The following ADCY5 variants were observed in gnomAD, a reference collection of about 807,000 sequenced individuals.
ADCY5 encodes the protein adenylate cyclase 5.
Under a neutral mutation model 119.7 loss-of-function variants are expected in ADCY5, and 30 were observed. The ratio of observed to expected loss-of-function variants is 0.25; its 90% CI spans 0.19 to 0.34. The LOEUF is 0.34. Ranked by LOEUF, ADCY5 falls within the 10% of genes least tolerant of loss-of-function variation. ADCY5 has a pLI of 1.00. For synonymous variants in ADCY5, 753 were observed against 762.2 expected (o/e 0.99, Z 0.20); for missense variants, 1,324 against 1,775.2 (o/e 0.75, Z 4.57).
intron 20 of ADCY5, among the ~76,000 whole-genome samples, chr3:123,284,997 G>C (rs1938639613): frequency 1.3e-5 from 2 of 152,198 alleles, no homozygotes. Context: ...TGCGTGTGCT[G>C]TTTCAGTGTG....
intron 10 of ADCY5, 27 bp from the exon 11 acceptor site, chr3:123,318,144 G>A (rs1553724638): frequency 2.5e-6 from 4 of 1,588,070 alleles, no homozygotes; most frequent in African/African-American, 1.3e-5. Flanking sequence ...AGGGTGAGAG[G>A]GGCCAAGGTA....
intron 1 of ADCY5, chr3:123,368,069 T>C: frequency 6.9e-7 from 1 of 1,443,032 alleles, no homozygotes; most frequent in Non-Finnish European, 9.1e-7. Flanking sequence ...GGCAGGAAGA[T>C]TCAGTGAGAG....
At chr3:123,351,112 T>G (rs1395901912) in intron 2 of ADCY5, among the ~76,000 whole-genome samples, 1 of 151,184 alleles carries the variant, frequency 6.6e-6, no homozygotes, top group Non-Finnish European at 1.5e-5. Flanking sequence ...TGGGGACTGG[T>G]CAGCTTAAGT....
At chr3:123,399,831 G>T (rs1448861485) in intron 1 of ADCY5, among the ~76,000 whole-genome samples, 1 of 152,178 alleles carries the variant, frequency 6.6e-6, no homozygotes, top group African/African-American at 2.4e-5. Context: ...GTATGGGTGT[G>T]CTTTTTGCAT....
At chr3:123,298,136 A>G (rs1411391461) in intron 15 of ADCY5, among the ~76,000 whole-genome samples, 2 of 152,080 alleles carry the variant, frequency 1.3e-5, no homozygotes, top group Admixed American at 6.5e-5. Flanking sequence ...AGTAGCTGGG[A>G]TTACAGGTGC....
Position 123,449,000 on chromosome 3 carries a change from C to A in ADCY5, c.-455G>T, listed in dbSNP as rs148632775. The stretch of plus-strand genomic sequence containing the variant: ...CGCCTAAGCGGAGCCCAGCTGCTCT[C>A]GGGGCTCGGCGGCGGCGAGGGCGGC... On this transcript the variant is annotated 5_prime_UTR_variant, in exon 1 of 21. Transcript: ENST00000462833. 1 of 157,416 alleles carries A rather than the reference C, an allele frequency of 6.4e-6. No individual in the cohort carries two copies. Among genetic ancestry groups the A allele is most frequent in the South Asian group, 1.9e-4 (1 of 5,272 alleles). The allele number at this position is 157,416 out of a possible 1,614,324, so 9.8% of individuals were successfully genotyped here.
At chr3:123,396,804 A>G (rs1944598637) in intron 1 of ADCY5, among the ~76,000 whole-genome samples, 1 of 80,444 alleles carries the variant, frequency 1.2e-5, no homozygotes, top group Non-Finnish European at 2.6e-5. Flanking sequence ...GCAGGCAGGC[A>G]GGCAGGCAGG....
chr3:123,347,213 T>A (rs1032691386), intron 3 of ADCY5, among the ~76,000 whole-genome samples: 5 of 152,250 alleles, frequency 3.3e-5, no homozygotes, highest in Non-Finnish European at 5.9e-5. Context: ...ATGTGTTTTT[T>A]TCTTTAAACT....
intron 1 of ADCY5, among the ~76,000 whole-genome samples, chr3:123,362,270 C>T (rs753963098): frequency 1.3e-5 from 2 of 152,186 alleles, no homozygotes; most frequent in African/African-American, 4.8e-5. Flanking sequence ...CTTACATCCC[C>T]GCCAACATTG....
At chr3:123,350,974 C>T (rs1401179694) in intron 2 of ADCY5, among the ~76,000 whole-genome samples, 3 of 151,868 alleles carry the variant, frequency 2.0e-5, no homozygotes, top group Non-Finnish European at 4.4e-5. Flanking sequence ...GTGCAGTGTG[C>T]CAGAGGCGAG....
At chr3:123,328,499 G>A in intron 6 of ADCY5, 145 bp downstream of exon 6, 1 of 937,214 alleles carries the variant, frequency 1.1e-6, no homozygotes, top group South Asian at 1.6e-5. Flanking sequence ...CTTCCACTGT[G>A]CTCACCCCAG....
intron 6 of ADCY5, among the ~76,000 whole-genome samples, chr3:123,328,096 GGAGTCCAAATTCAC>G (rs995452817): frequency 6.6e-4 from 100 of 152,294 alleles, no homozygotes; most frequent in Non-Finnish European, 1.2e-3. Flanking sequence ...GCGACAGGAC[GGAGTCCAAATTCAC>G]GAGCCTGGCA....
chr3:123,448,560 C>A lies in ADCY5; in HGVS notation c.-15G>T. The stretch of plus-strand genomic sequence containing the variant: ...GAGCCGGACATCCCCCCCTCGGCCT[C>A]GTCGTCTCCTTCCTCCTCCCCCGGA... On this transcript the variant is annotated 5_prime_UTR_variant, in exon 1 of 21. Coordinates refer to ENST00000462833, the MANE Select transcript of ADCY5 (RefSeq NM_183357.3). The A allele has an allele frequency of 7.9e-7, 1 of 1,262,582 alleles. No homozygotes were observed. Among genetic ancestry groups the A allele is most frequent in the Non-Finnish European group, 9.9e-7 (1 of 1,005,704 alleles). The allele number at this position is 1,262,582 out of a possible 1,614,324, so 78.2% of individuals were successfully genotyped here.
At chr3:123,284,818 G>A (rs1938623644) in intron 20 of ADCY5, 82 bp from the exon 21 acceptor site, 1 of 1,571,314 alleles carries the variant, frequency 6.4e-7, no homozygotes, top group African/African-American at 1.3e-5. Context: ...ACCTCTGACT[G>A]CCCAGCCCTG....
At chr3:123,346,103 C>A (rs921942534) in intron 3 of ADCY5, among the ~76,000 whole-genome samples, 1 of 152,218 alleles carries the variant, frequency 6.6e-6, no homozygotes, top group Non-Finnish European at 1.5e-5. Flanking sequence ...GCACGTAGGG[C>A]GGTGGCTGGT....
At chr3:123,358,193 T>TGA (rs1943110523) in intron 1 of ADCY5, among the ~76,000 whole-genome samples, 1 of 121,718 alleles carries the variant, frequency 8.2e-6, no homozygotes, top group South Asian at 2.5e-4. Context: ...TGTGTGTGTG[T>TGA]GTAGGGAGTT....
chr3:123,342,763 T>C (rs2108457052), intron 3 of ADCY5, among the ~76,000 whole-genome samples: 1 of 152,132 alleles, frequency 6.6e-6, no homozygotes, highest in African/African-American at 2.4e-5. Flanking sequence ...TGCAGGGTCA[T>C]CCACAGTAAG....
chr3:123,389,315 A>G (rs764767966), intron 1 of ADCY5, among the ~76,000 whole-genome samples: 36 of 152,172 alleles, frequency 2.4e-4, no homozygotes, highest in Non-Finnish European at 4.3e-4. Flanking sequence ...AAATCTCCTC[A>G]GAAGATCCTT....
chr3:123,403,999 C>G (rs1944839241), intron 1 of ADCY5, among the ~76,000 whole-genome samples: 1 of 152,184 alleles, frequency 6.6e-6, no homozygotes, highest in African/African-American at 2.4e-5. Context: ...ATCTTCCTGA[C>G]TATAGCAAAC....
Sources: gnomAD v4.1 joint callset for allele counts (sites outside exome capture counted in the v4.1 genomes callset) on GRCh38, gnomAD v4.1.1 for gene constraint, MANE v1.5 for transcripts, NCBI Gene and HGNC (gene_info 2026-07-23, HGNC 2026-07-21) for gene names.